The following MAML2 variants were observed in gnomAD, a reference collection of about 807,000 sequenced individuals.
The protein encoded by MAML2 is mastermind like transcriptional coactivator 2.
A neutral mutation model predicts 96.1 loss-of-function variants in MAML2; 22 were observed. The ratio of observed to expected loss-of-function variants is 0.23; its 90% CI spans 0.16 to 0.33. The LOEUF (loss-of-function observed/expected upper bound fraction) is 0.33. Ranked by LOEUF, MAML2 falls within the 10% of genes least tolerant of loss-of-function variation. The probability of loss-of-function intolerance (pLI) is 1.00; values close to 1 mark genes in which losing one functional copy is unlikely to be tolerated. For missense variants in MAML2, 1,367 were observed against 1,392.4 expected (o/e 0.98, Z 0.29); for synonymous variants, 561 against 521.3 (o/e 1.08, Z -1.04).
intron 1 of MAML2, among the ~76,000 whole-genome samples, chr11:96,267,558 C>T (rs896418647): frequency 6.6e-6 from 1 of 152,228 alleles, no homozygotes; most frequent in Non-Finnish European, 1.5e-5. Context: ...GCTTACCGCA[C>T]ATGGTGCTGA....
intron 2 of MAML2, among the ~76,000 whole-genome samples, chr11:96,072,870 T>C (rs536398298): frequency 1.9e-4 from 29 of 152,360 alleles, no homozygotes; most frequent in African/African-American, 6.7e-4. Context: ...ACTCCATTTG[T>C]CACCCGCTTA....
intron 1 of MAML2, among the ~76,000 whole-genome samples, chr11:96,225,749 C>G (rs1862201345): frequency 6.6e-6 from 1 of 151,922 alleles, no homozygotes; most frequent in Non-Finnish European, 1.5e-5. Context: ...AGGAGACTCA[C>G]TTGAATCTGG....
At chr11:96,076,184 G>A (rs536000848) in intron 2 of MAML2, among the ~76,000 whole-genome samples, 2 of 152,198 alleles carry the variant, frequency 1.3e-5, no homozygotes, top group South Asian at 4.1e-4. Flanking sequence ...AGATGCTCAG[G>A]GGTGAAAGAA....
chr11:96,065,804 A>G (rs551508831), intron 2 of MAML2, among the ~76,000 whole-genome samples: 7 of 152,326 alleles, frequency 4.6e-5, no homozygotes, highest in African/African-American at 1.4e-4. Flanking sequence ...AGCCCATCTG[A>G]CTACAAAGCT....
chr11:96,117,164 A>G (rs1390759335), intron 1 of MAML2, among the ~76,000 whole-genome samples: 1 of 152,024 alleles, frequency 6.6e-6, no homozygotes, highest in South Asian at 2.1e-4. Context: ...GAAAGGAAAT[A>G]AAAAAAATAT....
chr11:96,142,794 T>C (rs566774484), intron 1 of MAML2, among the ~76,000 whole-genome samples: 1 of 152,312 alleles, frequency 6.6e-6, no homozygotes, highest in East Asian at 1.9e-4. Flanking sequence ...GCAAAACTGA[T>C]TTCTCTTCCT....
chr11:96,121,721 G>GC (rs1860343769), intron 1 of MAML2, among the ~76,000 whole-genome samples: 1 of 149,494 alleles, frequency 6.7e-6, no homozygotes, highest in Non-Finnish European at 1.5e-5. Flanking sequence ...GACTAGAAAG[G>GC]CAGAAATGGG....
intron 2 of MAML2, among the ~76,000 whole-genome samples, chr11:95,998,786 A>T (rs1456462168): frequency 6.6e-6 from 1 of 152,222 alleles, no homozygotes; most frequent in Non-Finnish European, 1.5e-5. Flanking sequence ...TCACAAGTTA[A>T]GTAAGCTCAC....
chr11:96,183,822 T>C (rs532094497), intron 1 of MAML2, among the ~76,000 whole-genome samples: 1 of 152,196 alleles, frequency 6.6e-6, no homozygotes, highest in Non-Finnish European at 1.5e-5. Flanking sequence ...CATGACTGTT[T>C]TTCTCTATTT....
chr11:96,146,647 G>A (rs1256934924), intron 1 of MAML2, among the ~76,000 whole-genome samples: 1 of 152,178 alleles, frequency 6.6e-6, no homozygotes, highest in African/African-American at 2.4e-5. Flanking sequence ...CCATGAGATA[G>A]GTACTCAGTA....
At chr11:96,069,351 A>T (rs1565204839) in intron 2 of MAML2, among the ~76,000 whole-genome samples, 1 of 149,056 alleles carries the variant, frequency 6.7e-6, no homozygotes, top group Admixed American at 6.7e-5. Context: ...TATAGTGACT[A>T]TTTGAAGCAT....
chr11:96,267,966 C>A (rs1275374791), intron 1 of MAML2, among the ~76,000 whole-genome samples: 1 of 152,148 alleles, frequency 6.6e-6, no homozygotes, highest in Non-Finnish European at 1.5e-5. Flanking sequence ...ACATAAGGCA[C>A]CTGTTGAAAC....
intron 1 of MAML2, among the ~76,000 whole-genome samples, chr11:96,175,304 T>G (rs945724875): frequency 6.6e-6 from 1 of 152,228 alleles, no homozygotes; most frequent in Non-Finnish European, 1.5e-5. Context: ...AACTTTGTTC[T>G]GCAATTTTAA....
intron 2 of MAML2, among the ~76,000 whole-genome samples, chr11:96,021,746 T>G (rs1858438966): frequency 6.6e-6 from 1 of 152,126 alleles, no homozygotes; most frequent in South Asian, 2.1e-4. Context: ...GAAAGAAAAT[T>G]CTGTGTTTTA....
chr11:96,121,579 C>G (rs1324486707), intron 1 of MAML2, among the ~76,000 whole-genome samples: 4 of 151,820 alleles, frequency 2.6e-5, no homozygotes, highest in African/African-American at 9.7e-5. Flanking sequence ...TCAAAGTATT[C>G]CTTATTAATC....
chr11:96,061,935 T>C (rs1214064834), intron 2 of MAML2, among the ~76,000 whole-genome samples: 6 of 152,182 alleles, frequency 3.9e-5, no homozygotes, highest in Non-Finnish European at 8.8e-5. Context: ...TTGTTCAGCA[T>C]AGACATTTCA....
rs1859738749 is a variant in MAML2 at position 96,092,467 on chromosome 11, G to C, written c.1564C>G (p.Gln522Glu). ...NYMYKAGPSA[Q>E]GGHLDVLMQQ... ...ATGAGGACATCTAGGTGCCCACCCT[G>C]GGCTGAGGGGCCGGCCTTGTACATG... The change falls in exon 2 of 5, where the codon CAG becomes GAG. Residue 522 changes from glutamine to glutamate, a missense_variant. Transcript: ENST00000524717. This position sits in a 1 kb window ranked among gnomAD's most constrained non-coding sequence, Gnocchi z 4.1. 1.2e-6 allele frequency: 2 copies of C among 1,611,484 alleles called. No individual in the cohort carries two copies. Among genetic ancestry groups the C allele is most frequent in the African/African-American group, 2.7e-5 (2 of 74,888 alleles).
At chr11:96,110,886 G>A (rs537691560) in intron 1 of MAML2, among the ~76,000 whole-genome samples, 1 of 152,152 alleles carries the variant, frequency 6.6e-6, no homozygotes, top group Admixed American at 6.5e-5. Flanking sequence ...CATCAGGATT[G>A]GGTCTAATCG....
intron 4 of MAML2, among the ~76,000 whole-genome samples, chr11:95,984,901 AGGCT>A (rs1234781708): frequency 6.6e-6 from 1 of 152,192 alleles, no homozygotes; most frequent in Non-Finnish European, 1.5e-5. Flanking sequence ...AGAGCAATAT[AGGCT>A]GGGTTTGGGA....
Sources: gnomAD v4.1 joint callset for allele counts (sites outside exome capture counted in the v4.1 genomes callset) on GRCh38, gnomAD v4.1.1 for gene constraint, Gnocchi (gnomAD v3.1) non-coding constraint, MANE v1.5 for transcripts, NCBI Gene and HGNC (gene_info 2026-07-23, HGNC 2026-07-21) for gene names.